Variants in RRAS2 observed in about 807,000 individuals in gnomAD.
RRAS2 encodes the protein RAS related 2, also known as ras-related protein R-Ras2.
RRAS2 carries 7 observed loss-of-function variants against 27.6 expected under a neutral mutation model. The ratio of observed to expected loss-of-function variants is 0.25; its 90% CI spans 0.14 to 0.48. The LOEUF is 0.48. Among genes scored for constraint, RRAS2 ranks in the 20% least tolerant of loss-of-function variants. The pLI, the probability that RRAS2 is intolerant of heterozygous loss-of-function variation, is 0.99. For synonymous variants in RRAS2, 86 were observed against 90.9 expected (o/e 0.95, Z 0.31); for missense variants, 178 against 256.2 (o/e 0.69, Z 2.08).
At chr11:14,336,172 C>G (rs1028746303) in intron 1 of RRAS2, among the ~76,000 whole-genome samples, 1 of 152,204 alleles carries the variant, frequency 6.6e-6, no homozygotes, top group Non-Finnish European at 1.5e-5. Flanking sequence ...AGCGTCCCCA[C>G]ATTTTGGACT....
chr11:14,313,965 A>G (rs1329300304), intron 1 of RRAS2, among the ~76,000 whole-genome samples: 3 of 152,244 alleles, frequency 2.0e-5, no homozygotes, highest in African/African-American at 7.2e-5. Flanking sequence ...AGAAAAAAGA[A>G]TTTAGCAAGT....
At chr11:14,333,000 A>G (rs1179573251) in intron 1 of RRAS2, among the ~76,000 whole-genome samples, 1 of 152,216 alleles carries the variant, frequency 6.6e-6, no homozygotes, top group Non-Finnish European at 1.5e-5. Context: ...GAAAGTATAA[A>G]GAAAAAGATA....
rs11287532 is a variant in RRAS2, at chr11:14,306,891, T to TA, written c.109-11037dup. ...ACCATCATTATTTTATGTGCCAAGA[T>TA]AAAAAAAAAAAAAAAAAGGCCGGGC... On this transcript the variant is annotated intron_variant, in intron 1 of 5. Coordinates refer to ENST00000256196, the MANE Select transcript of RRAS2 (RefSeq NM_012250.6). Among the ~76,000 whole-genome samples, 245 of 133,170 alleles carry TA rather than the reference T, an allele frequency of 1.8e-3. 1 individual carries two copies. Among genetic ancestry groups the TA allele is most frequent in the South Asian group, 4.8e-3 (20 of 4,136 alleles). 87.4% of individuals were successfully genotyped at this position (133,170 alleles called of 152,430 possible). A position where few individuals can be genotyped will look rare whatever the true frequency, so the allele number is the denominator to read the frequency against.
intron 4 of RRAS2, among the ~76,000 whole-genome samples, chr11:14,291,134 C>T (rs1456269047): frequency 6.6e-6 from 1 of 152,016 alleles, no homozygotes; most frequent in Non-Finnish European, 1.5e-5. Flanking sequence ...GAGGTAAGGA[C>T]ATGTAGAAAT....
At chr11:14,334,844 T>TAAA (rs1554952387) in intron 1 of RRAS2, among the ~76,000 whole-genome samples, 1 of 152,184 alleles carries the variant, frequency 6.6e-6, no homozygotes, top group Non-Finnish European at 1.5e-5. Flanking sequence ...CCTCAGCATA[T>TAAA]AAACAAGACA....
At chr11:14,337,976 T>G (rs1395203450) in intron 1 of RRAS2, among the ~76,000 whole-genome samples, 1 of 152,106 alleles carries the variant, frequency 6.6e-6, no homozygotes, top group Non-Finnish European at 1.5e-5. Flanking sequence ...AGCAAAAATA[T>G]GGACAAACTC....
At chr11:14,331,206 A>G (rs1328386462) in intron 1 of RRAS2, among the ~76,000 whole-genome samples, 1 of 152,240 alleles carries the variant, frequency 6.6e-6, no homozygotes, top group Non-Finnish European at 1.5e-5. Flanking sequence ...GAACCTAGAA[A>G]CTGGAAACAA....
At chr11:14,326,515 A>G (rs1554951019) in intron 1 of RRAS2, among the ~76,000 whole-genome samples, 1 of 152,258 alleles carries the variant, frequency 6.6e-6, no homozygotes, top group African/African-American at 2.4e-5. Flanking sequence ...TAAATATACA[A>G]ACATAAAATA....
chr11:14,305,363 T>C (rs1554947959), intron 1 of RRAS2, among the ~76,000 whole-genome samples: 1 of 152,228 alleles, frequency 6.6e-6, no homozygotes, highest in East Asian at 1.9e-4. Context: ...GATATGGCCC[T>C]GCCAGTATCA....
chr11:14,328,894 C>T (rs1554951502), intron 1 of RRAS2, among the ~76,000 whole-genome samples: 1 of 151,512 alleles, frequency 6.6e-6, no homozygotes, highest in East Asian at 2.0e-4. Flanking sequence ...AAACTGCCAA[C>T]CTCAGGTGAT....
At chr11:14,333,420 A>G (rs1433995105) in intron 1 of RRAS2, among the ~76,000 whole-genome samples, 3 of 152,208 alleles carry the variant, frequency 2.0e-5, no homozygotes, top group Non-Finnish European at 4.4e-5. Context: ...TCAAGTTTTA[A>G]AAATTCCTTT....
At chr11:14,281,168 T>C (rs1849523815) in intron 5 of RRAS2, among the ~76,000 whole-genome samples, 1 of 152,224 alleles carries the variant, frequency 6.6e-6, no homozygotes, top group South Asian at 2.1e-4. Context: ...GTTCTGCCAT[T>C]TAATATGTCT....
intron 4 of RRAS2, among the ~76,000 whole-genome samples, chr11:14,289,416 C>G (rs1265530417): frequency 6.6e-6 from 1 of 152,136 alleles, no homozygotes; most frequent in African/African-American, 2.4e-5. Flanking sequence ...CATGAAATTC[C>G]ACTGTCTAAG....
chr11:14,299,505 T>G (rs1188126841), intron 1 of RRAS2, among the ~76,000 whole-genome samples: 1 of 152,208 alleles, frequency 6.6e-6, no homozygotes, highest in Non-Finnish European at 1.5e-5. Flanking sequence ...TTCCATAGTT[T>G]CTTTACATGC....
At chr11:14,321,503 A>C (rs16913823) in intron 1 of RRAS2, among the ~76,000 whole-genome samples, 21,489 of 152,072 alleles carry the variant, frequency 0.14, 1,699 homozygotes, top group East Asian at 0.18. Flanking sequence ...TTTGTGTTTG[A>C]TCATCCAGGA....
In RRAS2 at chr11:14,298,956, G is replaced by A. The variant is rs183270684; in HGVS notation, c.109-3101C>T. 2.0e-5 allele frequency among the ~76,000 whole-genome samples: 3 copies of A among 152,276 alleles called. No individual in the cohort carries two copies. In the East Asian group the frequency reaches 5.8e-4, roughly 29 times the overall value. Reference sequence around the variant, plus strand: ...GCAACAGATCACCAATAAGTAATCAGTCCCCGTGATGAAGTGTCGTGGGTT... The same window carrying A: ...GCAACAGATCACCAATAAGTAATCAATCCCCGTGATGAAGTGTCGTGGGTT... On this transcript the variant is annotated intron_variant, in intron 1 of 5. Coordinates refer to ENST00000256196, the MANE Select transcript of RRAS2 (RefSeq NM_012250.6).
upstream of RRAS2, among the ~76,000 whole-genome samples, chr11:14,360,560 T>C (rs537022857): frequency 7.1e-6 from 1 of 141,314 alleles, no homozygotes; most frequent in South Asian, 2.5e-4. Flanking sequence ...GCCATCAAGA[T>C]CAGGTAATTT....
chr11:14,305,926 T>C (rs1170637179), intron 1 of RRAS2, among the ~76,000 whole-genome samples: 2 of 152,038 alleles, frequency 1.3e-5, no homozygotes, highest in African/African-American at 4.8e-5. Context: ...GTAACTGTAG[T>C]CCCAGCTATG....
intron 1 of RRAS2, among the ~76,000 whole-genome samples, chr11:14,342,275 G>GATC (rs1334271551): frequency 6.6e-6 from 1 of 152,148 alleles, no homozygotes; most frequent in Non-Finnish European, 1.5e-5. Flanking sequence ...GTGAGAAGAG[G>GATC]ATCATATTTA....
Sources: allele counts gnomAD v4.1 joint callset (sites outside exome capture counted in the v4.1 genomes callset), GRCh38; gene constraint gnomAD v4.1.1; transcripts MANE v1.5; gene names NCBI Gene and HGNC (gene_info 2026-07-23, HGNC 2026-07-21).